Variants in CILP2 observed in about 807,000 individuals in gnomAD.
The protein encoded by CILP2 is cartilage intermediate layer protein 2, also known as CILP-2.
A neutral mutation model predicts 45.6 loss-of-function variants in CILP2; 38 were observed. The ratio of observed to expected loss-of-function variants is 0.83; its 90% CI spans 0.64 to 1.09. The LOEUF (loss-of-function observed/expected upper bound fraction) is 1.09, where lower values mean the gene tolerates loss of function less well. Ranked by LOEUF, CILP2 falls within the 50% of genes least tolerant of loss-of-function variation. CILP2 has a pLI of 0.00. For synonymous variants in CILP2, 780 were observed against 723.5 expected (o/e 1.08, Z -1.25); for missense variants, 1,735 against 1,662.2 (o/e 1.04, Z -0.76).
In CILP2 at chr19:19,545,081, C is replaced by T. The variant is rs756251818; in HGVS notation, c.2536C>T (p.Arg846Trp). 1.9e-6 allele frequency: 3 copies of T among 1,610,188 alleles called. No individual in the cohort carries two copies. The highest frequency in any genetic ancestry group is 2.2e-5 in the East Asian group (1 of 44,826). Residue 846 changes from arginine to tryptophan, a missense_variant, in exon 8 of 8, where the codon CGG becomes TGG. By Grantham distance (101) the Arg-to-Trp change is moderately radical. Coordinates refer to ENST00000291495, the MANE Select transcript of CILP2 (RefSeq NM_153221.2). ...QPYLDRLGYR[R>W]TDHDDPAFKR... Reference sequence around the variant, plus strand: ...CTACCTGGACAGGCTGGGGTACCGTCGGACGGACCACGACGATCCCGCCTT... The same window carrying T: ...CTACCTGGACAGGCTGGGGTACCGTTGGACGGACCACGACGATCCCGCCTT...
In CILP2 at chr19:19,543,628, C is replaced by T. The variant is rs958949170; in HGVS notation, c.1136-53C>T. 14 of 1,517,376 alleles carry T rather than the reference C, an allele frequency of 9.2e-6. No individual in the cohort carries two copies. The Middle Eastern group carries it at 8.8e-4, about 96-fold the overall frequency. 94.0% of individuals were successfully genotyped at this position (1,517,376 alleles called of 1,614,324 possible). A position where few individuals can be genotyped will look rare whatever the true frequency, so the allele number is the denominator to read the frequency against. The stretch of plus-strand genomic sequence containing the variant: ...CTGCAGACAGAGTCCCCAGCCTTGG[C>T]CTCCATGAAGTCCTCCTCCCTGCCC... On this transcript the variant is annotated intron_variant, in intron 7 of 7. Coordinates refer to ENST00000291495, the MANE Select transcript of CILP2 (RefSeq NM_153221.2).
At chr19:19,539,629 G>T in intron 1 of CILP2, 50 bp from the exon 2 acceptor site, 4 of 1,350,754 alleles carry the variant, frequency 3.0e-6, no homozygotes, top group Non-Finnish European at 3.0e-6. Flanking sequence ...GGCTCCCAGC[G>T]GTCCCCATCA....
rs569766569 is a variant in CILP2, at chr19:19,543,827, C to T, written c.1282C>T (p.Pro428Ser). Residue 428 changes from proline to serine, a missense_variant, in exon 8 of 8, where the codon CCC becomes TCC. Physicochemically the swap from Pro to Ser is moderately conservative, Grantham distance 74. Transcript: ENST00000291495. ...CTGCCCCAGCCTGGCAGGCTCCAGC[C>T]CCCGCTGCGGGGACGCCAGCTCCCG... ...TRCPSLAGSS[P>S]RCGDASSRCC... 2.5e-6 allele frequency: 4 copies of T among 1,613,796 alleles called. No individual in the cohort carries two copies. The highest frequency in any genetic ancestry group is 1.3e-5 in the African/African-American group (1 of 75,062).
chr19:19,544,751 C>G lies in CILP2; in HGVS notation c.2206C>G (p.Arg736Gly), dbSNP rs1360171405. 6.2e-7 allele frequency: 1 copy of G among 1,606,330 alleles called. No homozygotes were observed. Among genetic ancestry groups the G allele is most frequent in the East Asian group, 2.2e-5 (1 of 44,834 alleles). ...CAATCTGGACGTGCCTGAGCGCCGC[C>G]GCTGCTTCGTGAAGGTGCGCGCCTA... is the stretch of plus-strand genomic sequence containing the variant. ...LFNLDVPERR[R>G]CFVKVRAYAN... The change falls in exon 8 of 8, where the codon CGC (arginine) becomes GGC (glycine). Residue 736 changes from arginine (R) to glycine (G), a missense_variant. Coordinates refer to ENST00000291495, the MANE Select transcript of CILP2 (RefSeq NM_153221.2).
intron 4 of CILP2, 148 bp from the exon 5 acceptor site, chr19:19,542,227 C>A: frequency 1.3e-6 from 1 of 799,360 alleles, no homozygotes; most frequent in Non-Finnish European, 1.9e-6. Context: ...CTAGGGACTG[C>A]TCCAAGCAGG....
At position 19,538,324 on chromosome 19, in the gene CILP2, C is replaced by T. The variant is rs2061230196; in HGVS notation, c.-26C>T. The T allele has an allele frequency of 1.3e-6, 2 of 1,567,054 alleles. No homozygotes were observed. The highest frequency in any genetic ancestry group is 8.6e-7 in the Non-Finnish European group (1 of 1,164,848). ...CCCGAGCACGCCGCGGAGCCCGGAC[C>T]CTCCCTCGGACGCTCTGCCCCGGCC... On this transcript the variant is annotated 5_prime_UTR_variant, in exon 1 of 8. Transcript: ENST00000291495.
At position 19,541,296 on chromosome 19, in the gene CILP2, G is replaced by T. The variant is rs751299078; in HGVS notation, c.592+50G>T. 4.0e-6 allele frequency: 5 copies of T among 1,251,648 alleles called. No individual in the cohort carries two copies. In the African/African-American group the frequency reaches 7.7e-5, roughly 19 times the overall value. The allele number at this position is 1,251,648 out of a possible 1,614,324, so 77.5% of individuals were successfully genotyped here. ...TGGGACCTGTACAGAGGGGAGGAAGGGGAGGTTAGGGGCTGAGCCTGGGAG... is the reference window on the plus strand; with the variant it reads ...TGGGACCTGTACAGAGGGGAGGAAGTGGAGGTTAGGGGCTGAGCCTGGGAG... On this transcript the variant is annotated intron_variant, in intron 4 of 7. Transcript: ENST00000291495.
Position 19,540,453 on chromosome 19 carries a change from A to T in CILP2, c.413A>T (p.His138Leu). The change falls in exon 3 of 8, where the codon CAC becomes CTC. Residue 138 changes from histidine to leucine, a missense_variant. Coordinates refer to ENST00000291495, the MANE Select transcript of CILP2 (RefSeq NM_153221.2). ...CGTGGCCGCCGCTGCTCCAACTACCACGTGCGCTTCCGCTGCCCACTAGGT... is the reference window on the plus strand; with the variant it reads ...CGTGGCCGCCGCTGCTCCAACTACCTCGTGCGCTTCCGCTGCCCACTAGGT... ...QPRGRRCSNY[H>L]VRFRCPLEAS... 7.7e-7 allele frequency: 1 copy of T among 1,300,234 alleles called. No homozygotes were observed. The allele number at this position is 1,300,234 out of a possible 1,614,324, so 80.5% of individuals were successfully genotyped here.
Position 19,544,805 on chromosome 19 carries a change from C to T in CILP2, c.2260C>T (p.Gln754Ter). 6.2e-7 allele frequency: 1 copy of T among 1,604,966 alleles called. No homozygotes were observed. The highest frequency in any genetic ancestry group is 2.2e-5 in the East Asian group (1 of 44,860). Residue 754 changes from glutamine to a stop codon, truncating the protein, a stop_gained, in exon 8 of 8, where the codon CAG becomes TAG. Coordinates refer to ENST00000291495, the MANE Select transcript of CILP2 (RefSeq NM_153221.2). LOFTEE classifies it low-confidence loss of function (END_TRUNC). ...CAACGACAAGTTCACCCCCAGCGAG[C>T]AGGTGGAGGGCGTGGTGGTCACGCT... is the stretch of plus-strand genomic sequence containing the variant. ...YANDKFTPSE[Q>*]VEGVVVTLVN...
Position 19,539,780 on chromosome 19 carries a change from G to C in CILP2, c.163+3G>C. The C allele has an allele frequency of 1.3e-6, 2 of 1,575,722 alleles. No homozygotes were observed. Among genetic ancestry groups the C allele is most frequent in the Non-Finnish European group, 1.7e-6 (2 of 1,158,850 alleles). On this transcript the variant is annotated splice_donor_region_variant and intron_variant, in intron 2 of 7. Transcript: ENST00000291495. ...ACCAGCCCTGGAGGACTGGGAAGGT[G>C]AGTTAGCCTGCCTCGGAGTCCCGTC...
intron 1 of CILP2, among the ~76,000 whole-genome samples, 167 bp from the exon 2 acceptor site, chr19:19,539,512 C>T (rs1434901826): frequency 2.1e-5 from 3 of 144,118 alleles, no homozygotes; most frequent in Non-Finnish European, 4.5e-5. Flanking sequence ...TGCAGTGAGC[C>T]GAGATCGTGC....
rs748167274 is a variant in CILP2, at chr19:19,539,663, C to T, written c.65-16C>T. 3 of 1,552,636 alleles carry T rather than the reference C, an allele frequency of 1.9e-6. No homozygotes were observed. Among genetic ancestry groups the T allele is most frequent in the African/African-American group, 1.4e-5 (1 of 71,906 alleles). ...CAGTAGCAGCGTGCTTCCTTCTCCCCACTCCTCACCCACAGACGCCACCCC... is the reference window on the plus strand; with the variant it reads ...CAGTAGCAGCGTGCTTCCTTCTCCCTACTCCTCACCCACAGACGCCACCCC... On this transcript the variant is annotated splice_polypyrimidine_tract_variant and intron_variant, in intron 1 of 7. Transcript: ENST00000291495.
rs772203428 is a variant in CILP2, at chr19:19,541,253, G to A, written c.592+7G>A. 4 of 1,287,886 alleles carry A rather than the reference G, an allele frequency of 3.1e-6. No individual in the cohort carries two copies. Among genetic ancestry groups the A allele is most frequent in the Non-Finnish European group, 3.9e-6 (4 of 1,016,472 alleles). 79.8% of individuals were successfully genotyped at this position (1,287,886 alleles called of 1,614,324 possible). On this transcript the variant is annotated splice_region_variant and intron_variant, in intron 4 of 7. Coordinates refer to ENST00000291495, the MANE Select transcript of CILP2 (RefSeq NM_153221.2). The stretch of plus-strand genomic sequence containing the variant: ...GTGCGGCCTCGGTGTCCAGGTAGGA[G>A]GGGCGGGGTCTGGAGGCTGGGACCT...
Position 19,541,741 on chromosome 19 carries a change from C to A in CILP2, c.592+495C>A, listed in dbSNP as rs533947668. 2.6e-4 allele frequency among the ~76,000 whole-genome samples: 40 copies of A among 152,324 alleles called. 1 individual carries two copies. The South Asian group carries it at 7.7e-3, about 29-fold the overall frequency. On this transcript the variant is annotated intron_variant, in intron 4 of 7. Transcript: ENST00000291495. ...CCCCACGCCCACACAGACACCCGCTCACAGCCTGGCAGACATGATGCCTAG... is the reference window on the plus strand; with the variant it reads ...CCCCACGCCCACACAGACACCCGCTAACAGCCTGGCAGACATGATGCCTAG...
In CILP2 at chr19:19,543,365, G is replaced by A. The variant is rs752168071; in HGVS notation, c.1095G>A (p.Ala365=). The change falls in exon 7 of 8, where the codon GCG becomes GCA. Residue 365 remains alanine (A), a synonymous_variant. Coordinates refer to ENST00000291495, the MANE Select transcript of CILP2 (RefSeq NM_153221.2). ...ACCACTGCAAGGCATGGAATGAGGC[G>A]GGTGCCGTGCGCTCGGGCACTGCCC... ...GIYHCKAWNE[A]GAVRSGTARL... The A allele has an allele frequency of 9.9e-6, 16 of 1,613,364 alleles. No individual in the cohort carries two copies. Among genetic ancestry groups the A allele is most frequent in the South Asian group, 5.5e-5 (5 of 91,086 alleles).
In CILP2 at chr19:19,545,196, TGC is replaced by T; in HGVS notation, c.2653_2654del (p.Arg885GlyfsTer181). The T allele has an allele frequency of 6.2e-7, 1 of 1,612,628 alleles. No individual in the cohort carries two copies. The highest frequency in any genetic ancestry group is 8.5e-7 in the Non-Finnish European group (1 of 1,179,766). ...GGGCCTGTGTACCCGTGGCGCAGCC[TGC>T]GGGAATGCCAGGGGGCCCCGGTGAC... On this transcript the variant is annotated frameshift_variant, in exon 8 of 8. Coordinates refer to ENST00000291495, the MANE Select transcript of CILP2 (RefSeq NM_153221.2). LOFTEE classifies it low-confidence loss of function (END_TRUNC).
rs1305612310 is a variant in CILP2 at position 19,543,808 on chromosome 19, C to T, written c.1263C>T (p.Pro421=). 6.2e-7 allele frequency: 1 copy of T among 1,613,860 alleles called. No individual in the cohort carries two copies. The highest frequency in any genetic ancestry group is 2.2e-5 in the East Asian group (1 of 44,866). Residue 421 remains proline, a synonymous_variant, in exon 8 of 8, where the codon CCC becomes CCT. Coordinates refer to ENST00000291495, the MANE Select transcript of CILP2 (RefSeq NM_153221.2). ...GCCTCTGTCCCGACACCCGCTGCCC[C>T]AGCCTGGCAGGCTCCAGCCCCCGCT... ...DVGLCPDTRC[P]SLAGSSPRCG... is the part of the protein sequence containing the mutation.
chr19:19,540,197 C>G lies in CILP2; in HGVS notation c.164-7C>G, dbSNP rs991010695. On this transcript the variant is annotated splice_polypyrimidine_tract_variant and splice_region_variant and intron_variant, in intron 2 of 7. Transcript: ENST00000291495. ...CGCCCTGGTCCCAGCGCGTGCGGTG[C>G]CCGCAGAGGCCAGCGAGTGGACGTC... 4 of 1,572,806 alleles carry G rather than the reference C, an allele frequency of 2.5e-6. No homozygotes were observed. Among genetic ancestry groups the G allele is most frequent in the Non-Finnish European group, 3.4e-6 (4 of 1,163,190 alleles).
Position 19,541,245 on chromosome 19 carries a change from A to G in CILP2, c.591A>G (p.Pro197=). The G allele has an allele frequency of 7.8e-7, 1 of 1,287,950 alleles. No homozygotes were observed. The highest frequency in any genetic ancestry group is 2.2e-4 in the Middle Eastern group (1 of 4,636). 79.8% of individuals were successfully genotyped at this position (1,287,950 alleles called of 1,614,324 possible). A position where few individuals can be genotyped will look rare whatever the true frequency, so the allele number is the denominator to read the frequency against. The change falls in exon 4 of 8, where the codon CCA becomes CCG. Residue 197 remains proline (P), a splice_region_variant and synonymous_variant. Coordinates refer to ENST00000291495, the MANE Select transcript of CILP2 (RefSeq NM_153221.2). ...EAQKCVRPRC[P]GCSLDTCECP... The stretch of plus-strand genomic sequence containing the variant: ...AGAAGTGCGTGCGGCCTCGGTGTCC[A>G]GGTAGGAGGGGCGGGGTCTGGAGGC...
Sources: gnomAD v4.1 joint callset for allele counts (sites outside exome capture counted in the v4.1 genomes callset) on GRCh38, gnomAD v4.1.1 for gene constraint, MANE v1.5 for transcripts, NCBI Gene and HGNC (gene_info 2026-07-23, HGNC 2026-07-21) for gene names.